The following SLC20A1 variants were observed in gnomAD, a reference collection of about 807,000 sequenced individuals.
The protein encoded by SLC20A1 is sodium-dependent phosphate transporter 1.
A neutral mutation model predicts 62.7 loss-of-function variants in SLC20A1; 28 were observed. The ratio of observed to expected loss-of-function variants is 0.45; its 90% confidence interval spans 0.33 to 0.61. The LOEUF is 0.61. Among genes scored for constraint, SLC20A1 ranks in the 20% least tolerant of loss-of-function variants. SLC20A1 has a pLI of 0.02. For missense variants in SLC20A1, 673 were observed against 838.6 expected (o/e 0.80, Z 2.44); for synonymous variants, 305 against 302.9 (o/e 1.01, Z -0.07).
At chr2:112,650,395 C>G (rs1439144339) in intron 4 of SLC20A1, among the ~76,000 whole-genome samples, 1 of 150,204 alleles carries the variant, frequency 6.7e-6, no homozygotes, top group East Asian at 1.9e-4. Flanking sequence ...TGCAGTGGCA[C>G]GATCTGGGCT....
intron 5 of SLC20A1, 65 bp from the exon 6 acceptor site, chr2:112,657,057 G>A: frequency 6.2e-7 from 1 of 1,603,164 alleles, no homozygotes; most frequent in Non-Finnish European, 8.5e-7. Context: ...CCAGAGGAGG[G>A]TTTACACAAT....
intron 4 of SLC20A1, among the ~76,000 whole-genome samples, chr2:112,651,791 A>G (rs1337301711): frequency 6.6e-6 from 1 of 152,182 alleles, no homozygotes; most frequent in Non-Finnish European, 1.5e-5. Flanking sequence ...ATTTTTAGTC[A>G]CTGGCCTTAC....
intron 4 of SLC20A1, among the ~76,000 whole-genome samples, chr2:112,650,976 T>C (rs1236636427): frequency 2.6e-5 from 4 of 152,216 alleles, no homozygotes; most frequent in Admixed American, 1.3e-4. Flanking sequence ...ACACCTTAGT[T>C]TCCTAATCTT....
At chr2:112,653,934 A>G (rs1686513819) in intron 5 of SLC20A1, among the ~76,000 whole-genome samples, 1 of 152,120 alleles carries the variant, frequency 6.6e-6, no homozygotes, top group Non-Finnish European at 1.5e-5. Flanking sequence ...CTGGGATTAC[A>G]GGCGTGCACC....
Position 112,663,270 on chromosome 2 carries a change from TGAATTCCTG to T in SLC20A1, c.*246_*254del. ...TGAGGTCCCCTTTCCTTCTGGGCTG[TGAATTCCTG>T]TACATATTTCTCTACTTTTTGTATC... On this transcript the variant is annotated 3_prime_UTR_variant, in exon 11 of 11. Transcript: ENST00000272542. 1.8e-6 allele frequency: 1 copy of T among 560,654 alleles called. No individual in the cohort carries two copies. Among genetic ancestry groups the T allele is most frequent in the South Asian group, 1.6e-5 (1 of 62,414 alleles). The allele number at this position is 560,654 out of a possible 1,614,324, so 34.7% of individuals were successfully genotyped here.
intron 5 of SLC20A1, 132 bp from the exon 6 acceptor site, chr2:112,656,990 T>A (rs1475976412): frequency 2.8e-6 from 3 of 1,069,076 alleles, no homozygotes; most frequent in South Asian, 2.5e-5. Flanking sequence ...TCCTGTGCAC[T>A]TAAATCTGGC....
rs1248644934 is a variant in SLC20A1, at chr2:112,653,142, C to T, written c.658+344C>T. ...ACTGAAGTCATTAGTTATATCTGAT[C>T]TTCAGTAATCAGTCATTTAGGACTG... On this transcript the variant is annotated intron_variant, in intron 5 of 10. Coordinates refer to ENST00000272542, the MANE Select transcript of SLC20A1 (RefSeq NM_005415.5). 5 of 369,130 alleles carry T rather than the reference C, an allele frequency of 1.4e-5. No individual in the cohort carries two copies. The East Asian group carries it at 3.2e-4, about 24-fold the overall frequency. The allele number at this position is 369,130 out of a possible 1,614,324, so 22.9% of individuals were successfully genotyped here. A position where few individuals can be genotyped will look rare whatever the true frequency, so the allele number is the denominator to read the frequency against.
chr2:112,654,579 G>A (rs923505723), intron 5 of SLC20A1, among the ~76,000 whole-genome samples: 1 of 152,072 alleles, frequency 6.6e-6, no homozygotes, highest in Non-Finnish European at 1.5e-5. Flanking sequence ...AATTTAAAAT[G>A]AAAAGATACA....
At chr2:112,657,003 C>G in intron 5 of SLC20A1, 119 bp from the exon 6 acceptor site, 1 of 1,159,272 alleles carries the variant, frequency 8.6e-7, no homozygotes, top group Non-Finnish European at 1.3e-6. Context: ...AATCTGGCAG[C>G]AGCTGTCAGG....
At position 112,660,463 on chromosome 2, in the gene SLC20A1, A is replaced by G. The variant is rs749985118; in HGVS notation, c.1684A>G (p.Ile562Val). 6 of 1,614,062 alleles carry G rather than the reference A, an allele frequency of 3.7e-6. No homozygotes were observed. Among genetic ancestry groups the G allele is most frequent in the Admixed American group, 3.3e-5 (2 of 60,006 alleles). The change falls in exon 9 of 11, where the codon ATA becomes GTA. Residue 562 changes from isoleucine to valine, a missense_variant. Coordinates refer to ENST00000272542, the MANE Select transcript of SLC20A1 (RefSeq NM_005415.5). ...TGTTTCTTCAAAAGTGGCAACACCA[A>G]TATGGCTTCTACTCTATGGTGGTGT... ...GDVSSKVATPIWLLLYGGVGI... is the reference protein window; with the variant it reads ...GDVSSKVATPVWLLLYGGVGI...
rs201375880 is a variant in SLC20A1 at position 112,647,057 on chromosome 2, C to G, written c.229C>G (p.Leu77Val). The G allele has an allele frequency of 3.1e-6, 5 of 1,614,176 alleles. No homozygotes were observed. In the African/African-American group the frequency reaches 6.7e-5, roughly 22 times the overall value. Residue 77 changes from leucine to valine, a missense_variant, in exon 2 of 11, where the codon CTG becomes GTG. Transcript: ENST00000272542. ...CTTTGAAACAGTGGGCTCTGTCTTA[C>G]TGGGGGCCAAAGTGAGCGAAACCAT... is the stretch of plus-strand genomic sequence containing the variant. ...SIFETVGSVL[L>V]GAKVSETIRK...
chr2:112,652,497 A>G, intron 4 of SLC20A1: 1 of 581,860 alleles, frequency 1.7e-6, no homozygotes, highest in Non-Finnish European at 3.0e-6. Context: ...AAAAGAAAAA[A>G]GAAAAAAAAA....
At chr2:112,656,555 TC>T (rs1686595216) in intron 5 of SLC20A1, among the ~76,000 whole-genome samples, 1 of 152,250 alleles carries the variant, frequency 6.6e-6, no homozygotes, top group Non-Finnish European at 1.5e-5. Flanking sequence ...ATAGATAATA[TC>T]CTTGTTTTCT....
rs137900126 is a variant in SLC20A1 at position 112,659,570 on chromosome 2, C to G, written c.1415C>G (p.Ser472Cys). 3.7e-6 allele frequency: 6 copies of G among 1,614,094 alleles called. No individual in the cohort carries two copies. The highest frequency in any genetic ancestry group is 5.1e-6 in the Non-Finnish European group (6 of 1,180,046). ...DSYTSYCNAVSDLHSASEIDM... is the reference protein window; with the variant it reads ...DSYTSYCNAVCDLHSASEIDM... ...TACACCAGTTACTGCAATGCTGTGTCTGACCTTCACTCAGCATCTGAGATA... is the reference window on the plus strand; with the variant it reads ...TACACCAGTTACTGCAATGCTGTGTGTGACCTTCACTCAGCATCTGAGATA... Residue 472 changes from serine (S) to cysteine (C), a missense_variant, in exon 8 of 11, where the codon TCT (serine) becomes TGT (cysteine). By Grantham distance (112) the Ser-to-Cys change is moderately radical. Coordinates refer to ENST00000272542, the MANE Select transcript of SLC20A1 (RefSeq NM_005415.5).
At chr2:112,654,081 G>A (rs1016291103) in intron 5 of SLC20A1, among the ~76,000 whole-genome samples, 18 of 152,116 alleles carry the variant, frequency 1.2e-4, no homozygotes, top group African/African-American at 3.6e-4. Context: ...CATGATCACC[G>A]CACCTCGCCA....
chr2:112,653,460 A>C (rs574993151), intron 5 of SLC20A1: 1 of 161,566 alleles, frequency 6.2e-6, no homozygotes, highest in Admixed American at 5.9e-5. Context: ...CTGGCAGGAC[A>C]GTACAGTTTT....
chr2:112,658,750 G>T, intron 6 of SLC20A1, 75 bp from the exon 7 acceptor site: 1 of 1,464,752 alleles, frequency 6.8e-7, no homozygotes, highest in South Asian at 1.4e-5. Flanking sequence ...TTTTTTGGGG[G>T]TGGAGGAAAG....
chr2:112,656,188 C>CTTTT (rs367841545), intron 5 of SLC20A1, among the ~76,000 whole-genome samples: 5 of 90,592 alleles, frequency 5.5e-5, no homozygotes, highest in African/African-American at 1.7e-4. Context: ...AAAGACAAAA[C>CTTTT]TTTTTTTTTT....
At chr2:112,660,963 C>T in intron 9 of SLC20A1, 179 bp from the exon 10 acceptor site, 1 of 503,674 alleles carries the variant, frequency 2.0e-6, no homozygotes, top group Admixed American at 3.5e-5. Flanking sequence ...AATAAGGAAA[C>T]TGGGCATCTG....
Sources: allele counts gnomAD v4.1 joint callset (sites outside exome capture counted in the v4.1 genomes callset), GRCh38; gene constraint gnomAD v4.1.1; transcripts MANE v1.5; gene names NCBI Gene and HGNC (gene_info 2026-07-23, HGNC 2026-07-21).